The following CD46 variants were observed in gnomAD, a reference collection of about 807,000 sequenced individuals.
CD46 encodes CD46 molecule, also known as membrane cofactor protein.
In CD46, 30 loss-of-function variants were observed where a neutral mutation model predicts 53.3. The observed-to-expected ratio is 0.56, with a 90% CI of 0.42 to 0.76. The LOEUF is 0.76. Ranked by LOEUF, CD46 falls within the 30% of genes least tolerant of loss-of-function variation. The pLI, the probability that CD46 is intolerant of heterozygous loss-of-function variation, is 0.00. For missense variants in CD46, 409 were observed against 463.0 expected, an observed-to-expected ratio of 0.88 and a Z score of 1.07; for synonymous variants, 142 against 152.0, an observed-to-expected ratio of 0.93 and a Z score of 0.48.
At position 207,783,335 on chromosome 1, in the gene CD46, G is replaced by GT; in HGVS notation, c.982+6dup. 1.9e-6 allele frequency: 3 copies of GT among 1,540,338 alleles called. No individual in the cohort carries two copies. Among genetic ancestry groups the GT allele is most frequent in the Non-Finnish European group, 2.7e-6 (3 of 1,113,648 alleles). ...AAGGAATACTTGACAGTTTGGGTTG[G>GT]TATAGCTATCATGACAAATATAAGT... On this transcript the variant is annotated splice_donor_region_variant and intron_variant, in intron 9 of 12. Coordinates refer to ENST00000367042, the MANE Select transcript of CD46 (RefSeq NM_172351.3).
intron 7 of CD46, 79 bp from the exon 8 acceptor site, chr1:207,770,242 A>T: frequency 9.7e-7 from 1 of 1,029,196 alleles, no homozygotes; most frequent in Non-Finnish European, 1.5e-6. Flanking sequence ...AAACTTAAAA[A>T]ATCAATATCA....
Position 207,790,335 on chromosome 1 carries a change from A to G in CD46, c.*31A>G, listed in dbSNP as rs886045839. On this transcript the variant is annotated 3_prime_UTR_variant, in exon 12 of 13. Coordinates refer to ENST00000367042, the MANE Select transcript of CD46 (RefSeq NM_172351.3). ...AGAGATGAGAGAAAGGTTTGCTTTT[A>G]TCATTAAAAGGTATCTGTTTTCTGT... 7.8e-6 allele frequency: 12 copies of G among 1,540,620 alleles called. No homozygotes were observed. Among genetic ancestry groups the G allele is most frequent in the South Asian group, 1.1e-5 (1 of 89,588 alleles).
chr1:207,774,166 T>C (rs539296666), intron 8 of CD46, among the ~76,000 whole-genome samples: 1 of 152,348 alleles, frequency 6.6e-6, no homozygotes, highest in East Asian at 1.9e-4. Flanking sequence ...TTGATCTTTG[T>C]TGGTTTAATG....
intron 5 of CD46, among the ~76,000 whole-genome samples, chr1:207,762,223 A>G (rs529409358): frequency 6.6e-6 from 1 of 152,354 alleles, no homozygotes; most frequent in African/African-American, 2.4e-5. Flanking sequence ...TTGAATAAAA[A>G]CACAACATCT....
intron 10 of CD46, 31 bp downstream of exon 10, chr1:207,785,137 G>A (rs1390420554): frequency 1.3e-6 from 2 of 1,541,930 alleles, no homozygotes; most frequent in Admixed American, 1.7e-5. Context: ...CACCACTTAA[G>A]TCAAAAAATT....
intron 11 of CD46, among the ~76,000 whole-genome samples, chr1:207,787,972 C>G (rs1225571862): frequency 1.3e-5 from 2 of 152,150 alleles, no homozygotes; most frequent in African/African-American, 2.4e-5. Flanking sequence ...GCCTGAGACC[C>G]TGCCTGTCTA....
Position 207,752,092 on chromosome 1 carries a change from T to A in CD46, c.-121T>A. 2 of 970,576 alleles carry A rather than the reference T, an allele frequency of 2.1e-6. No homozygotes were observed. The highest frequency in any genetic ancestry group is 2.4e-5 in the East Asian group (1 of 42,010). 60.1% of individuals were successfully genotyped at this position (970,576 alleles called of 1,614,324 possible). A position where few individuals can be genotyped will look rare whatever the true frequency, so the allele number is the denominator to read the frequency against. On this transcript the variant is annotated 5_prime_UTR_variant, in exon 1 of 13. The change abolishes an upstream ATG in the 5' untranslated region. Transcript: ENST00000367042. The surrounding 1 kb of genome is among the most constrained non-coding windows in gnomAD (Gnocchi z 4.1). ...CGCCCACCTGTCCTGCAGCACTGGA[T>A]GCTTTGTGAGTTGGGGATTGTTGCG...
chr1:207,782,188 T>A (rs1478987257), intron 8 of CD46, among the ~76,000 whole-genome samples: 1 of 152,194 alleles, frequency 6.6e-6, no homozygotes, highest in Non-Finnish European at 1.5e-5. Flanking sequence ...TTACAAATGA[T>A]ATTGTTTTCT....
At chr1:207,791,597 A>G (rs1659804491) in intron 12 of CD46, among the ~76,000 whole-genome samples, 1 of 152,214 alleles carries the variant, frequency 6.6e-6, no homozygotes, top group African/African-American at 2.4e-5. Context: ...AATGGCACAC[A>G]ATCTAAAACG....
At chr1:207,775,805 G>A (rs955246017) in intron 8 of CD46, among the ~76,000 whole-genome samples, 1 of 152,202 alleles carries the variant, frequency 6.6e-6, no homozygotes, top group Non-Finnish European at 1.5e-5. Context: ...GTCTTTCCCA[G>A]TCAGGCTACA....
At chr1:207,765,695 G>A (rs908741780) in intron 5 of CD46, among the ~76,000 whole-genome samples, 1 of 152,182 alleles carries the variant, frequency 6.6e-6, no homozygotes, top group Admixed American at 6.5e-5. Flanking sequence ...CAAGGATATG[G>A]AGCAGATGAA....
rs1273760272 is a variant in CD46 at position 207,752,762 on chromosome 1, C to T, written c.97+453C>T. 1.3e-5 allele frequency among the ~76,000 whole-genome samples: 2 copies of T among 152,056 alleles called. No individual in the cohort carries two copies. Among genetic ancestry groups the T allele is most frequent in the Admixed American group, 1.3e-4 (2 of 15,264 alleles). Reference sequence around the variant, plus strand: ...TTCATTAGGGCTTGGACAGTACCCGCGGTAAGGGTTGCAGTGCGTCTGCTG... The same window carrying T: ...TTCATTAGGGCTTGGACAGTACCCGTGGTAAGGGTTGCAGTGCGTCTGCTG... On this transcript the variant is annotated intron_variant, in intron 1 of 12. Coordinates refer to ENST00000367042, the MANE Select transcript of CD46 (RefSeq NM_172351.3). The surrounding 1 kb of genome is among the most constrained non-coding windows in gnomAD (Gnocchi z 4.1).
intron 8 of CD46, among the ~76,000 whole-genome samples, chr1:207,782,620 ATTTATT>A (rs1003705435): frequency 7.8e-6 from 1 of 127,626 alleles, no homozygotes. Context: ...ACTCTAAAGC[ATTTATT>A]TTTATTAATC....
chr1:207,770,335 T>A lies in CD46; in HGVS notation c.916T>A (p.Tyr306Asn). The change falls in exon 8 of 13, where the codon TAC (tyrosine) becomes AAC (asparagine). Residue 306 changes from tyrosine (Y) to asparagine (N), a missense_variant. Transcript: ENST00000367042. ...TATTTTTCTAGGTCCTAGGCCTACT[T>A]ACAAGCCTCCAGTCTCAAATTATCC... ...ASSASGPRPT[Y>N]KPPVSNYPGY... 6.2e-7 allele frequency: 1 copy of A among 1,605,856 alleles called. No homozygotes were observed.
chr1:207,770,211 A>C, intron 7 of CD46, 110 bp from the exon 8 acceptor site: 1 of 800,788 alleles, frequency 1.2e-6, no homozygotes, highest in Non-Finnish European at 2.2e-6. Flanking sequence ...AAGTTTGTAA[A>C]GTGTGTAGTT....
rs1295890002 is a variant in CD46 at position 207,785,051 on chromosome 1, G to T, written c.983-20G>T. 2 of 1,605,138 alleles carry T rather than the reference G, an allele frequency of 1.2e-6. No individual in the cohort carries two copies. The highest frequency in any genetic ancestry group is 1.7e-6 in the Non-Finnish European group (2 of 1,172,198). On this transcript the variant is annotated intron_variant, in intron 9 of 12. Coordinates refer to ENST00000367042, the MANE Select transcript of CD46 (RefSeq NM_172351.3). ...TGGAGATCCATGTGTTCAACATCTT[G>T]GAACTGTTTTCTTTCTCAGATGTTT...
At chr1:207,779,980 A>G (rs1287207251) in intron 8 of CD46, among the ~76,000 whole-genome samples, 3 of 138,164 alleles carry the variant, frequency 2.2e-5, no homozygotes, top group African/African-American at 5.4e-5. Flanking sequence ...CTTCCTTTTC[A>G]GAAATTTCTA....
intron 12 of CD46, among the ~76,000 whole-genome samples, chr1:207,793,060 T>TAA (rs1235384172): frequency 6.6e-6 from 1 of 152,226 alleles, no homozygotes; most frequent in East Asian, 1.9e-4. Context: ...AAACTTTAGT[T>TAA]ATTTAGGAGA....
intron 8 of CD46, among the ~76,000 whole-genome samples, chr1:207,776,468 G>C (rs556139491): frequency 6.3e-4 from 96 of 152,272 alleles, no homozygotes; most frequent in Admixed American, 2.5e-3. Flanking sequence ...CACCAGAGCT[G>C]TTCCTATTCA....
Sources: gnomAD v4.1 joint callset for allele counts (sites outside exome capture counted in the v4.1 genomes callset) on GRCh38, gnomAD v4.1.1 for gene constraint, Gnocchi (gnomAD v3.1) non-coding constraint, MANE v1.5 for transcripts, NCBI Gene and HGNC (gene_info 2026-07-23, HGNC 2026-07-21) for gene names.